SORD: variants seen among roughly 807,000 people sequenced by gnomAD.
SORD encodes the protein (R,R)-butanediol dehydrogenase.
A neutral mutation model predicts 35.6 loss-of-function variants in SORD; 18 were observed. The observed-to-expected ratio is 0.51, with a 90% confidence interval of 0.35 to 0.75. The LOEUF (loss-of-function observed/expected upper bound fraction) is 0.75, where lower values mean the gene tolerates loss of function less well. Ranked by LOEUF, SORD falls within the 30% of genes least tolerant of loss-of-function variation. SORD has a pLI of 0.01. For synonymous variants in SORD, 106 were observed against 152.9 expected (o/e 0.69, Z 2.26); for missense variants, 250 against 390.2 (o/e 0.64, Z 3.03).
chr15:45,063,720 C>T (rs1893360302), intron 4 of SORD, among the ~76,000 whole-genome samples: 1 of 152,206 alleles, frequency 6.6e-6, no homozygotes, highest in Non-Finnish European at 1.5e-5. Flanking sequence ...CTTATAAGTT[C>T]CTCAGGAGGC....
intron 2 of SORD, 129 bp downstream of exon 2, chr15:45,040,570 CT>C (rs1892951392): frequency 1.4e-6 from 1 of 740,190 alleles, no homozygotes; most frequent in East Asian, 2.7e-5. Context: ...AAAACCTATG[CT>C]TTTGTTAGGC....
intron 1 of SORD, among the ~76,000 whole-genome samples, chr15:45,029,621 C>T (rs66952396): frequency 0.21 from 31,296 of 151,016 alleles, no homozygotes; most frequent in African/African-American, 0.44. Context: ...CCTCGCTGCA[C>T]GGGGCATGCC....
At chr15:45,039,261 T>A (rs1892722851) in intron 1 of SORD, among the ~76,000 whole-genome samples, 1 of 152,166 alleles carries the variant, frequency 6.6e-6, no homozygotes, top group Non-Finnish European at 1.5e-5. Flanking sequence ...CCTGAGTAGC[T>A]GAGACTACAG....
Position 45,073,540 on chromosome 15 carries a change from G to T in SORD, c.*10G>T. On this transcript the variant is annotated 3_prime_UTR_variant, in exon 9 of 9. Transcript: ENST00000267814. ...TGACCAGAATCCCTGATGTTAATGG[G>T]CTCTGCCCTCATCCCCACAGTCTTG... 2 of 1,597,044 alleles carry T rather than the reference G, an allele frequency of 1.3e-6. No homozygotes were observed. The highest frequency in any genetic ancestry group is 1.7e-6 in the Non-Finnish European group (2 of 1,174,582).
chr15:45,071,063 A>G (rs751006891), intron 7 of SORD, among the ~76,000 whole-genome samples: 4,114 of 143,404 alleles, frequency 0.029, 27 homozygotes, highest in African/African-American at 0.092. Flanking sequence ...GAGCATCGCC[A>G]TCCTGCCAGG....
intron 2 of SORD, chr15:45,041,637 T>G (rs1246059223): frequency 6.6e-6 from 1 of 152,222 alleles, no homozygotes; most frequent in Non-Finnish European, 1.5e-5. Flanking sequence ...TCAAGGATTT[T>G]CACCAAGATA....
intron 1 of SORD, among the ~76,000 whole-genome samples, chr15:45,028,096 C>T (rs113605828): frequency 0.056 from 8,223 of 147,268 alleles, no homozygotes; most frequent in African/African-American, 0.13. Flanking sequence ...GAGGCCAAGG[C>T]GGGCAGATCA....
chr15:45,050,765 C>T (rs1893112054), intron 3 of SORD: 1 of 152,148 alleles, frequency 6.6e-6, no homozygotes, highest in Admixed American at 6.6e-5. Flanking sequence ...TCTAGAGAAA[C>T]TGGCAGAAAG....
intron 3 of SORD, among the ~76,000 whole-genome samples, chr15:45,057,423 A>G (rs1893235451): frequency 6.6e-6 from 1 of 152,236 alleles, no homozygotes; most frequent in Admixed American, 6.5e-5. Flanking sequence ...TTCATGAACA[A>G]TCCAAGCATA....
intron 1 of SORD, among the ~76,000 whole-genome samples, chr15:45,027,704 A>G (rs1595493075): frequency 6.6e-6 from 1 of 152,260 alleles, no homozygotes; most frequent in African/African-American, 2.4e-5. Flanking sequence ...TGATCAGTCT[A>G]TTGAGACCCA....
chr15:45,044,869 TG>T (rs1893022862), intron 3 of SORD, among the ~76,000 whole-genome samples: 1 of 150,144 alleles, frequency 6.7e-6, no homozygotes, highest in African/African-American at 2.5e-5. Context: ...GGCTAATTTT[TG>T]TATTTTTGGT....
chr15:45,039,054 T>C (rs1046052098), intron 1 of SORD, among the ~76,000 whole-genome samples: 4 of 152,164 alleles, frequency 2.6e-5, no homozygotes, highest in African/African-American at 9.7e-5. Flanking sequence ...ATTTCCAAAC[T>C]AAGTGCTATG....
chr15:45,029,026 C>T (rs951848333), intron 1 of SORD, among the ~76,000 whole-genome samples: 1 of 152,180 alleles, frequency 6.6e-6, no homozygotes, highest in Non-Finnish European at 1.5e-5. Context: ...ACCAGATTAC[C>T]CTGATAGTGA....
At position 45,061,059 on chromosome 15, in the gene SORD, C is replaced by T; in HGVS notation, c.266-8C>T. On this transcript the variant is annotated splice_region_variant and splice_polypyrimidine_tract_variant and intron_variant, in intron 3 of 8. Transcript: ENST00000267814. ...CGGACATGGTGCCATCTTTGTTTTC[C>T]TCTCCAGGTGATCGTGTTGCCATCG... is the stretch of plus-strand genomic sequence containing the variant. 1 of 1,614,082 alleles carries T rather than the reference C, an allele frequency of 6.2e-7. No homozygotes were observed. Among genetic ancestry groups the T allele is most frequent in the Non-Finnish European group, 8.5e-7 (1 of 1,180,006 alleles).
intron 3 of SORD, among the ~76,000 whole-genome samples, chr15:45,054,465 G>A (rs1268469904): frequency 2.0e-5 from 3 of 152,288 alleles, no homozygotes; most frequent in African/African-American, 4.8e-5. Flanking sequence ...GTCTGTTCAT[G>A]TCCTTCGCCC....
intron 3 of SORD, among the ~76,000 whole-genome samples, chr15:45,060,217 A>T (rs368090778): frequency 2.6e-5 from 4 of 152,128 alleles, no homozygotes; most frequent in Non-Finnish European, 5.9e-5. Flanking sequence ...GAGATGAGAC[A>T]GAGGGGTAGA....
At chr15:45,049,560 A>G (rs1488078596) in intron 3 of SORD, among the ~76,000 whole-genome samples, 1 of 152,206 alleles carries the variant, frequency 6.6e-6, no homozygotes, top group Admixed American at 6.5e-5. Context: ...TGGCAGCTAT[A>G]GTTATGCCTG....
intron 1 of SORD, among the ~76,000 whole-genome samples, chr15:45,026,859 T>G (rs570118301): frequency 2.2e-5 from 3 of 138,794 alleles, no homozygotes; most frequent in African/African-American, 9.9e-5. Flanking sequence ...AGTGGTTCTG[T>G]GGGGGAATGC....
chr15:45,030,859 A>G (rs2412950), intron 1 of SORD, among the ~76,000 whole-genome samples: 31,245 of 150,866 alleles, frequency 0.21, 5 homozygotes, highest in African/African-American at 0.44. Context: ...ATGCCTGAGC[A>G]CCAGTCCCAG....
Sources: allele counts gnomAD v4.1 joint callset (sites outside exome capture counted in the v4.1 genomes callset), GRCh38; gene constraint gnomAD v4.1.1; transcripts MANE v1.5; gene names NCBI Gene and HGNC (gene_info 2026-07-23, HGNC 2026-07-21).